Variants in STIM2 observed in about 807,000 individuals in gnomAD.
STIM2 encodes stromal interaction molecule 2.
A neutral mutation model predicts 85.8 loss-of-function variants in STIM2; 31 were observed. The observed-to-expected ratio is 0.36, with a 90% CI of 0.27 to 0.49. The LOEUF is 0.49. Ranked by LOEUF, STIM2 falls within the 20% of genes least tolerant of loss-of-function variation. The pLI is 0.98. For synonymous variants in STIM2, 356 were observed against 331.1 expected (o/e 1.08, Z -0.82); for missense variants, 841 against 927.6 (o/e 0.91, Z 1.21).
chr4:26,872,306 TA>T (rs575514722), intron 1 of STIM2, among the ~76,000 whole-genome samples: 3 of 151,528 alleles, frequency 2.0e-5, no homozygotes, highest in South Asian at 2.1e-4. Flanking sequence ...AGTGTGATAT[TA>T]AAAAAAAATT....
At chr4:26,996,990 A>G (rs778069628) in intron 4 of STIM2, among the ~76,000 whole-genome samples, 1 of 152,186 alleles carries the variant, frequency 6.6e-6, no homozygotes, top group Non-Finnish European at 1.5e-5. Flanking sequence ...ACTTGTCAAG[A>G]TCAACTCCTT....
chr4:26,898,984 CT>C (rs997643789), intron 1 of STIM2, among the ~76,000 whole-genome samples: 1 of 151,084 alleles, frequency 6.6e-6, no homozygotes, highest in African/African-American at 2.4e-5. Flanking sequence ...CCTTGGATTT[CT>C]TTTTTTTCCT....
chr4:26,953,951 A>G (rs1726149898), intron 2 of STIM2, among the ~76,000 whole-genome samples: 2 of 152,094 alleles, frequency 1.3e-5, no homozygotes, highest in Admixed American at 1.3e-4. Context: ...GTTCTCCTCT[A>G]GGTGAGGTGT....
intron 3 of STIM2, among the ~76,000 whole-genome samples, chr4:26,970,461 T>G (rs1052548064): frequency 1.4e-4 from 22 of 151,898 alleles, no homozygotes; most frequent in Non-Finnish European, 3.2e-4. Context: ...GATCTCATTG[T>G]TCAGTTCCCA....
At chr4:26,914,234 G>T (rs1166384232) in intron 1 of STIM2, among the ~76,000 whole-genome samples, 1 of 152,124 alleles carries the variant, frequency 6.6e-6, no homozygotes, top group Non-Finnish European at 1.5e-5. Context: ...TGCCTACTTT[G>T]TGGGCAAAGT....
intron 4 of STIM2, among the ~76,000 whole-genome samples, chr4:26,998,071 A>G (rs1378827440): frequency 6.6e-6 from 1 of 152,230 alleles, no homozygotes; most frequent in Non-Finnish European, 1.5e-5. Context: ...CACCTATAAA[A>G]TGGAAATACT....
rs1005314019 is a variant in STIM2, at chr4:27,008,608, C to A, written c.1250+80C>A. On this transcript the variant is annotated intron_variant, in intron 9 of 11. Transcript: ENST00000467087. ...TAATTTGTGAACAATTTATATTTAT[C>A]ATTTATATAATTACATAATTTACAT... 21 of 1,143,348 alleles carry A rather than the reference C, an allele frequency of 1.8e-5. No individual in the cohort carries two copies. The African/African-American group carries it at 3.2e-4, about 17-fold the overall frequency. 70.8% of individuals were successfully genotyped at this position (1,143,348 alleles called of 1,614,324 possible). A position where few individuals can be genotyped will look rare whatever the true frequency, so the allele number is the denominator to read the frequency against.
At chr4:26,896,586 AG>A (rs1723712961) in intron 1 of STIM2, among the ~76,000 whole-genome samples, 1 of 152,204 alleles carries the variant, frequency 6.6e-6, no homozygotes, top group South Asian at 2.1e-4. Flanking sequence ...TCTCACAAGC[AG>A]TTTTATGTGT....
rs533826776 is a variant in STIM2 at position 26,861,416 on chromosome 4, G to C, written c.151+47G>C. The C allele has an allele frequency of 7.8e-3, 10,032 of 1,281,524 alleles. 81 individuals are homozygous for C. Among genetic ancestry groups the C allele is most frequent in the East Asian group, 0.037 (1,160 of 31,224 alleles). The allele number at this position is 1,281,524 out of a possible 1,614,324, so 79.4% of individuals were successfully genotyped here. A position where few individuals can be genotyped will look rare whatever the true frequency, so the allele number is the denominator to read the frequency against. On this transcript the variant is annotated intron_variant, in intron 1 of 11. Coordinates refer to ENST00000467087, the MANE Select transcript of STIM2 (RefSeq NM_020860.4). ...GGCGGGGCTCGGCCGGCAGCGATGGGACCCCCAACCCGTGCAGAGGTCAGC... is the reference window on the plus strand; with the variant it reads ...GGCGGGGCTCGGCCGGCAGCGATGGCACCCCCAACCCGTGCAGAGGTCAGC...
At chr4:26,934,757 T>TA (rs1725331610) in intron 2 of STIM2, among the ~76,000 whole-genome samples, 1 of 151,460 alleles carries the variant, frequency 6.6e-6, no homozygotes, top group Non-Finnish European at 1.5e-5. Context: ...CTACACAAAA[T>TA]ACAAAATTAG....
chr4:26,968,632 T>G (rs1726820019), intron 3 of STIM2, among the ~76,000 whole-genome samples: 1 of 152,176 alleles, frequency 6.6e-6, no homozygotes, highest in Non-Finnish European at 1.5e-5. Context: ...ATGAATATAC[T>G]TCATACCACT....
At chr4:27,003,138 A>C in intron 7 of STIM2, 34 bp downstream of exon 7, 1 of 1,539,218 alleles carries the variant, frequency 6.5e-7, no homozygotes, top group Non-Finnish European at 8.7e-7. Context: ...ACTTGTAAAG[A>C]TGTTAACATT....
intron 1 of STIM2, among the ~76,000 whole-genome samples, chr4:26,896,107 C>T (rs1157861040): frequency 6.6e-6 from 1 of 152,180 alleles, no homozygotes; most frequent in Admixed American, 6.5e-5. Context: ...GTACTGAGGT[C>T]TTCAATTGCT....
At chr4:26,990,402 T>TA (rs1727725291) in intron 3 of STIM2, among the ~76,000 whole-genome samples, 2 of 152,178 alleles carry the variant, frequency 1.3e-5, no homozygotes, top group African/African-American at 4.8e-5. Flanking sequence ...TGGATATCTC[T>TA]ATGCAGAAGA....
At chr4:26,993,858 A>G (rs1189434697) in intron 3 of STIM2, among the ~76,000 whole-genome samples, 1 of 152,186 alleles carries the variant, frequency 6.6e-6, no homozygotes, top group Non-Finnish European at 1.5e-5. Flanking sequence ...CCTGAGTTCA[A>G]ATCCAGTCCT....
intron 8 of STIM2, chr4:27,008,105 A>G: frequency 1.5e-6 from 1 of 675,074 alleles, no homozygotes; most frequent in South Asian, 1.7e-5. Flanking sequence ...AGCTTAGTTC[A>G]CTCACTAGCA....
rs778209965 is a variant in STIM2, at chr4:27,017,819, C to T, written c.1598C>T (p.Pro533Leu). 9 of 1,614,140 alleles carry T rather than the reference C, an allele frequency of 5.6e-6. No homozygotes were observed. The South Asian group carries it at 7.7e-5, about 14-fold the overall frequency. ...CAGCCTCAGCGAGCTCAGCTTGCTC[C>T]ACACGCCCCCCACCCGTCACACCCT... The change falls in exon 11 of 12, where the codon CCA becomes CTA. Residue 533 changes from proline (P) to leucine (L), a missense_variant. By Grantham distance (98) the Pro-to-Leu change is moderately conservative. Transcript: ENST00000467087.
chr4:26,901,298 T>C (rs1276163947), intron 1 of STIM2, among the ~76,000 whole-genome samples: 2 of 152,214 alleles, frequency 1.3e-5, no homozygotes, highest in Non-Finnish European at 2.9e-5. Context: ...GTCAAGTGTT[T>C]TGAATAAAAA....
intron 3 of STIM2, among the ~76,000 whole-genome samples, chr4:26,988,496 A>G (rs1014762479): frequency 6.6e-6 from 1 of 152,238 alleles, no homozygotes; most frequent in Non-Finnish European, 1.5e-5. Context: ...AAGTATGACT[A>G]GACCATAAAC....
Sources: gnomAD v4.1 joint callset for allele counts (sites outside exome capture counted in the v4.1 genomes callset) on GRCh38, gnomAD v4.1.1 for gene constraint, MANE v1.5 for transcripts, NCBI Gene and HGNC (gene_info 2026-07-23, HGNC 2026-07-21) for gene names.